The following CRYBG1 variants were observed in gnomAD, a reference collection of about 807,000 sequenced individuals.
The protein encoded by CRYBG1 is crystallin beta-gamma domain containing 1, also known as beta/gamma crystallin domain-containing protein 1.
CRYBG1 carries 139 observed loss-of-function variants against 189.2 expected under a neutral mutation model. The ratio of observed to expected loss-of-function variants is 0.73; its 90% CI spans 0.64 to 0.85. The LOEUF (loss-of-function observed/expected upper bound fraction) is 0.85, where lower values mean the gene tolerates loss of function less well. Among genes scored for constraint, CRYBG1 ranks in the 40% least tolerant of loss-of-function variants. CRYBG1 has a pLI of 0.00. For synonymous variants in CRYBG1, 1,023 were observed against 1,017.1 expected (o/e 1.01, Z -0.11); for missense variants, 2,611 against 2,675.8 (o/e 0.98, Z 0.53).
At chr6:106,400,161 A>T (rs1770694903) in intron 1 of CRYBG1, among the ~76,000 whole-genome samples, 1 of 143,440 alleles carries the variant, frequency 7.0e-6, no homozygotes, top group Non-Finnish European at 1.5e-5. Flanking sequence ...AAAAAAAGAG[A>T]GAGAGAAAAG....
At position 106,525,141 on chromosome 6, in the gene CRYBG1, A is replaced by G; in HGVS notation, c.4254A>G (p.Arg1418=). 1 of 1,613,914 alleles carries G rather than the reference A, an allele frequency of 6.2e-7. No homozygotes were observed. The highest frequency in any genetic ancestry group is 8.5e-7 in the Non-Finnish European group (1 of 1,179,796). The change falls in exon 5 of 22, where the codon AGA becomes AGG. Residue 1418 remains arginine, a synonymous_variant. Transcript: ENST00000633556. ...GMSLSDTMTL[R]GSVQNKLNPR... is the part of the protein sequence containing the mutation. The stretch of plus-strand genomic sequence containing the variant: ...TGTTCATCTGATTGCAGACACTTAG[A>G]GGAAGTGTCCAAAATAAACTCAATC...
chr6:106,544,462 T>G (rs1477690001), intron 11 of CRYBG1, 109 bp from the exon 12 acceptor site: 8 of 1,285,660 alleles, frequency 6.2e-6, no homozygotes, highest in African/African-American at 1.5e-5. Flanking sequence ...AAGCAGAAGG[T>G]CATGTCTAGC....
intron 2 of CRYBG1, among the ~76,000 whole-genome samples, chr6:106,505,275 T>C (rs767254088): frequency 7.9e-5 from 12 of 152,256 alleles, no homozygotes; most frequent in Non-Finnish European, 1.6e-4. Context: ...TTTGTATTTT[T>C]AGTAGAGACG....
intron 8 of CRYBG1, among the ~76,000 whole-genome samples, chr6:106,532,736 AT>A (rs1424788665): frequency 6.6e-6 from 1 of 152,084 alleles, no homozygotes; most frequent in African/African-American, 2.4e-5. Flanking sequence ...TTTTGTGTAC[AT>A]TTTGAGTTAT....
At chr6:106,446,913 G>A (rs1156571190) in intron 1 of CRYBG1, among the ~76,000 whole-genome samples, 62 of 152,118 alleles carry the variant, frequency 4.1e-4, no homozygotes, top group Admixed American at 4.1e-3. Context: ...CAGGGAGAGG[G>A]GCAATCTGGT....
intron 21 of CRYBG1, 91 bp downstream of exon 21, chr6:106,564,017 GTAT>G (rs1354511148): frequency 3.8e-6 from 5 of 1,310,554 alleles, no homozygotes; most frequent in African/African-American, 1.5e-5. Flanking sequence ...AATGATGAAT[GTAT>G]TATTAGTAGT....
At position 106,403,870 on chromosome 6, in the gene CRYBG1, G is replaced by A. The variant is rs141091812; in HGVS notation, c.173+42789G>A. 2.2e-3 allele frequency among the ~76,000 whole-genome samples: 341 copies of A among 152,314 alleles called. 2 individuals are homozygous for A. The highest frequency in any genetic ancestry group is 6.8e-3 in the South Asian group (33 of 4,830). ...ATCTAAGAAAGGTCAAAACATGGTA[G>A]CTTAAAAACAATGTGCAAAACAGAA... On this transcript the variant is annotated intron_variant, in intron 1 of 21. Coordinates refer to ENST00000633556, the MANE Select transcript of CRYBG1 (RefSeq NM_001371242.2).
intron 21 of CRYBG1, 149 bp downstream of exon 21, chr6:106,564,075 A>G (rs1774802034): frequency 2.7e-6 from 2 of 731,292 alleles, no homozygotes; most frequent in Non-Finnish European, 4.4e-6. Flanking sequence ...TGTGCTAGCC[A>G]CTTTCAGTAC....
intron 8 of CRYBG1, among the ~76,000 whole-genome samples, chr6:106,531,513 A>C (rs1377295242): frequency 6.6e-6 from 1 of 152,182 alleles, no homozygotes; most frequent in African/African-American, 2.4e-5. Context: ...ATACAGTTAA[A>C]ATGGAAGTGG....
chr6:106,544,503 T>C, intron 11 of CRYBG1, 68 bp from the exon 12 acceptor site: 1 of 1,534,192 alleles, frequency 6.5e-7, no homozygotes, highest in Non-Finnish European at 8.9e-7. Context: ...TCAATGAAAT[T>C]GATATGTACC....
intron 2 of CRYBG1, among the ~76,000 whole-genome samples, chr6:106,464,513 A>G (rs1208857307): frequency 6.7e-6 from 1 of 149,498 alleles, no homozygotes; most frequent in African/African-American, 2.5e-5. Flanking sequence ...AAAAAATCTG[A>G]AAGTCAACAT....
At chr6:106,380,323 T>C (rs1428061658) in intron 1 of CRYBG1, among the ~76,000 whole-genome samples, 2 of 152,206 alleles carry the variant, frequency 1.3e-5, no homozygotes, top group African/African-American at 2.4e-5. Context: ...AGGTTACTAT[T>C]TGAATTCCCA....
chr6:106,523,923 G>C (rs1185620941), intron 4 of CRYBG1, among the ~76,000 whole-genome samples: 1 of 152,022 alleles, frequency 6.6e-6, no homozygotes, highest in African/African-American at 2.4e-5. Context: ...GTAGAGACGG[G>C]GTTTTGCCAT....
chr6:106,380,645 A>T (rs886823920), intron 1 of CRYBG1, among the ~76,000 whole-genome samples: 1 of 152,202 alleles, frequency 6.6e-6, no homozygotes, highest in African/African-American at 2.4e-5. Flanking sequence ...AATATTAGCT[A>T]TGTTTATTCA....
intron 3 of CRYBG1, among the ~76,000 whole-genome samples, chr6:106,518,401 C>T (rs1319719561): frequency 6.6e-6 from 1 of 152,064 alleles, no homozygotes; most frequent in East Asian, 1.9e-4. Context: ...AAAAGTTATG[C>T]TAAAATAAAA....
rs1296972996 is a variant in CRYBG1 at position 106,512,473 on chromosome 6, G to A, written c.1356G>A (p.Val452=). Reference sequence around the variant, plus strand: ...ACGACGCGGTGTTCGACGACGAGGTGGCGCCAAACGCGGCCAGCGATAACG... The same window carrying A: ...ACGACGCGGTGTTCGACGACGAGGTAGCGCCAAACGCGGCCAGCGATAACG... ...ARDDAVFDDE[V]APNAASDNAS... is the part of the protein sequence containing the mutation. Residue 452 remains valine, a synonymous_variant, in exon 3 of 22, where the codon GTG becomes GTA. Coordinates refer to ENST00000633556, the MANE Select transcript of CRYBG1 (RefSeq NM_001371242.2). The A allele has an allele frequency of 9.3e-6, 15 of 1,611,286 alleles. No homozygotes were observed. Among genetic ancestry groups the A allele is most frequent in the Non-Finnish European group, 1.2e-5 (14 of 1,179,174 alleles).
intron 1 of CRYBG1, among the ~76,000 whole-genome samples, chr6:106,405,205 C>T (rs1026432906): frequency 2.0e-5 from 3 of 152,150 alleles, no homozygotes; most frequent in South Asian, 2.1e-4. Context: ...GGGGTAGGGG[C>T]GTCCACCATT....
At chr6:106,482,189 C>G (rs1243665229) in intron 2 of CRYBG1, among the ~76,000 whole-genome samples, 1 of 152,210 alleles carries the variant, frequency 6.6e-6, no homozygotes, top group Non-Finnish European at 1.5e-5. Flanking sequence ...AGTTGTAGAA[C>G]TCATAGCAAC....
intron 2 of CRYBG1, among the ~76,000 whole-genome samples, chr6:106,484,869 T>C (rs1319580529): frequency 4.6e-5 from 7 of 152,148 alleles, no homozygotes; most frequent in African/African-American, 1.7e-4. Context: ...TATGTTCCTC[T>C]GGTTCCGGCC....
Sources: allele counts gnomAD v4.1 joint callset (sites outside exome capture counted in the v4.1 genomes callset), GRCh38; gene constraint gnomAD v4.1.1; transcripts MANE v1.5; gene names NCBI Gene and HGNC (gene_info 2026-07-23, HGNC 2026-07-21).